The following SPIDR variants were observed in gnomAD, a reference collection of about 807,000 sequenced individuals.
SPIDR encodes scaffold protein involved in DNA repair.
Under a neutral mutation model 104.6 loss-of-function variants are expected in SPIDR, and 93 were observed. The observed-to-expected ratio is 0.89, with a 90% CI of 0.75 to 1.06. SPIDR has a LOEUF of 1.06. Among genes scored for constraint, SPIDR ranks in the 50% least tolerant of loss-of-function variants. SPIDR has a pLI of 0.00. For missense variants in SPIDR, 1,154 were observed against 1,111.2 expected, an observed-to-expected ratio of 1.04 and a Z score of -0.55; for synonymous variants, 431 against 416.9, an observed-to-expected ratio of 1.03 and a Z score of -0.41.
chr8:47,522,040 T>C (rs1731516384), intron 8 of SPIDR, among the ~76,000 whole-genome samples: 1 of 151,888 alleles, frequency 6.6e-6, no homozygotes, highest in African/African-American at 2.4e-5. Flanking sequence ...GGCAGGTGCC[T>C]GTAATCCCAG....
chr8:47,492,566 A>G (rs912033096), intron 8 of SPIDR, among the ~76,000 whole-genome samples: 1 of 151,936 alleles, frequency 6.6e-6, no homozygotes, highest in Non-Finnish European at 1.5e-5. Context: ...TTTCTTTTCC[A>G]TTTTCACTGC....
intron 5 of SPIDR, among the ~76,000 whole-genome samples, chr8:47,394,894 C>T (rs1554657228): frequency 6.6e-6 from 1 of 152,050 alleles, no homozygotes; most frequent in African/African-American, 2.4e-5. Context: ...GTGAGTTAGG[C>T]ACAAAACTAA....
chr8:47,452,908 G>A (rs371809444), intron 8 of SPIDR, among the ~76,000 whole-genome samples: 17 of 152,172 alleles, frequency 1.1e-4, no homozygotes, highest in African/African-American at 3.9e-4. Flanking sequence ...ATTAGGAAAA[G>A]AGGAAGTCAA....
chr8:47,536,190 C>CATTT (rs1198790173), intron 8 of SPIDR, among the ~76,000 whole-genome samples: 1 of 151,974 alleles, frequency 6.6e-6, no homozygotes, highest in African/African-American at 2.4e-5. Flanking sequence ...GATAAGAAGA[C>CATTT]TCAATGTTAT....
chr8:47,295,035 C>T (rs1000549101), intron 5 of SPIDR, among the ~76,000 whole-genome samples: 11 of 152,094 alleles, frequency 7.2e-5, no homozygotes, highest in African/African-American at 2.4e-4. Context: ...TCTGTTGCTA[C>T]ATCTTCTAGT....
intron 1 of SPIDR, among the ~76,000 whole-genome samples, chr8:47,263,643 G>A (rs1026311552): frequency 1.3e-5 from 2 of 151,882 alleles, no homozygotes; most frequent in South Asian, 2.1e-4. Context: ...ATCCATTGAG[G>A]CCTACTTCAA....
intron 1 of SPIDR, among the ~76,000 whole-genome samples, chr8:47,269,165 CTTT>C (rs1160351168): frequency 2.7e-5 from 3 of 111,806 alleles, no homozygotes; most frequent in African/African-American, 3.8e-5. Context: ...AGACCCTCTC[CTTT>C]TTTTTTTTTT....
At chr8:47,584,657 T>TA (rs750000769) in intron 8 of SPIDR, among the ~76,000 whole-genome samples, 22 of 152,226 alleles carry the variant, frequency 1.4e-4, no homozygotes, top group Non-Finnish European at 2.1e-4. Flanking sequence ...AATACACACA[T>TA]ACACTTTACC....
At chr8:47,490,479 A>T (rs1010961178) in intron 8 of SPIDR, among the ~76,000 whole-genome samples, 1 of 152,240 alleles carries the variant, frequency 6.6e-6, no homozygotes, top group African/African-American at 2.4e-5. Context: ...CATTTGACCC[A>T]GCCATCCCAT....
chr8:47,289,617 C>A (rs2039530025), intron 3 of SPIDR, among the ~76,000 whole-genome samples: 1 of 152,056 alleles, frequency 6.6e-6, no homozygotes, highest in East Asian at 1.9e-4. Context: ...ATACAAAATG[C>A]TGGTGAGGTT....
intron 10 of SPIDR, among the ~76,000 whole-genome samples, chr8:47,637,238 C>T (rs868444488): frequency 1.3e-5 from 2 of 152,184 alleles, no homozygotes; most frequent in African/African-American, 4.8e-5. Context: ...TCTTTTATGA[C>T]TTTAACAGTT....
chr8:47,385,975 A>G (rs1489323418), intron 5 of SPIDR, among the ~76,000 whole-genome samples: 1 of 151,964 alleles, frequency 6.6e-6, no homozygotes, highest in Admixed American at 6.5e-5. Flanking sequence ...ATGTATCCAT[A>G]TTTTGTTTTA....
At position 47,443,145 on chromosome 8, in the gene SPIDR, G is replaced by T. The variant is rs182116805; in HGVS notation, c.1097+2603G>T. Among the ~76,000 whole-genome samples, 111 of 152,158 alleles carry T rather than the reference G, an allele frequency of 7.3e-4. 1 individual carries two copies. Among genetic ancestry groups the T allele is most frequent in the Non-Finnish European group, 1.2e-3 (85 of 68,020 alleles). On this transcript the variant is annotated intron_variant, in intron 8 of 19. Transcript: ENST00000297423. ...CTCCTTAGACTTTACAAGTAAATGA[G>T]TTATTATCATTAGACTTTGGAATGT...
intron 5 of SPIDR, among the ~76,000 whole-genome samples, chr8:47,353,351 G>A (rs1260224156): frequency 2.6e-5 from 4 of 152,278 alleles, no homozygotes; most frequent in African/African-American, 4.8e-5. Context: ...CAGCTGCAAC[G>A]CGTGAGAGTG....
intron 10 of SPIDR, among the ~76,000 whole-genome samples, chr8:47,599,598 CAG>C: frequency 6.6e-6 from 1 of 152,274 alleles, no homozygotes. Context: ...CTGTGGCTTT[CAG>C]AGAGTACTGT....
intron 8 of SPIDR, among the ~76,000 whole-genome samples, chr8:47,524,082 A>C (rs183785545): frequency 1.8e-3 from 279 of 152,340 alleles, no homozygotes; most frequent in South Asian, 3.9e-3. Flanking sequence ...TTAGGTTACC[A>C]AATGAAATAA....
intron 17 of SPIDR, 57 bp from the exon 18 acceptor site, chr8:47,728,876 G>A (rs1359190199): frequency 1.3e-6 from 2 of 1,551,102 alleles, no homozygotes; most frequent in African/African-American, 2.8e-5. Context: ...TCCCACTGGA[G>A]CTTTCCTGAC....
At chr8:47,605,085 A>C (rs1018806615) in intron 10 of SPIDR, among the ~76,000 whole-genome samples, 1 of 152,248 alleles carries the variant, frequency 6.6e-6, no homozygotes, top group East Asian at 1.9e-4. Context: ...TTAGGGAAAC[A>C]ATAGAGACAA....
chr8:47,521,449 T>C (rs2084067585), intron 8 of SPIDR, among the ~76,000 whole-genome samples: 1 of 151,632 alleles, frequency 6.6e-6, no homozygotes, highest in Non-Finnish European at 1.5e-5. Context: ...TCTTTTTTTT[T>C]TTTTTGAGAC....
Sources: gnomAD v4.1 joint callset for allele counts (sites outside exome capture counted in the v4.1 genomes callset) on GRCh38, gnomAD v4.1.1 for gene constraint, MANE v1.5 for transcripts, NCBI Gene and HGNC (gene_info 2026-07-23, HGNC 2026-07-21) for gene names.